Variants in RNF180 observed in about 807,000 individuals in gnomAD.
RNF180 encodes ring finger protein 180.
Under a neutral mutation model 59.2 loss-of-function variants are expected in RNF180, and 38 were observed. That is an observed-to-expected ratio of 0.64 (90% CI 0.50 to 0.84). RNF180 has a LOEUF of 0.84. Ranked by LOEUF, RNF180 falls within the 40% of genes least tolerant of loss-of-function variation. The pLI is 0.00. For synonymous variants in RNF180, 262 were observed against 240.3 expected (o/e 1.09, Z -0.84); for missense variants, 705 against 700.9 (o/e 1.01, Z -0.07).
intron 5 of RNF180, among the ~76,000 whole-genome samples, chr5:64,289,816 ATT>A (rs1742479010): frequency 6.6e-6 from 1 of 151,180 alleles, no homozygotes; most frequent in African/African-American, 2.4e-5. Flanking sequence ...GGTCTATTTT[ATT>A]AATTTTCTCA....
Position 64,172,858 on chromosome 5 carries a change from A to G in RNF180, c.-1+6905A>G, listed in dbSNP as rs143065484. Among the ~76,000 whole-genome samples the G allele has an allele frequency of 3.8e-3, 577 of 152,310 alleles. 9 individuals are homozygous for G. Among genetic ancestry groups the G allele is most frequent in the African/African-American group, 0.013 (522 of 41,576 alleles). The stretch of plus-strand genomic sequence containing the variant: ...GTCCAGGTACACTGTTGATTATTCC[A>G]GGTGAAAGCAAATAGATATTGACTG... On this transcript the variant is annotated intron_variant, in intron 1 of 7. Transcript: ENST00000389100.
intron 5 of RNF180, among the ~76,000 whole-genome samples, chr5:64,265,017 A>T (rs545107791): frequency 1.4e-4 from 21 of 152,144 alleles, no homozygotes; most frequent in Admixed American, 6.5e-4. Context: ...TGGCTGCATA[A>T]GTGTCTTCTT....
intron 5 of RNF180, among the ~76,000 whole-genome samples, chr5:64,308,033 G>A (rs1240835467): frequency 1.3e-5 from 2 of 151,720 alleles, no homozygotes; most frequent in Non-Finnish European, 3.0e-5. Flanking sequence ...TTAATAGTAT[G>A]AATTTTAGAA....
At chr5:64,182,237 C>T (rs367873978) in intron 1 of RNF180, among the ~76,000 whole-genome samples, 12 of 152,086 alleles carry the variant, frequency 7.9e-5, no homozygotes, top group Non-Finnish European at 8.8e-5. Flanking sequence ...GTGATCTGCC[C>T]GCTTTGGCCT....
At chr5:64,242,980 C>A (rs1471284408) in intron 5 of RNF180, among the ~76,000 whole-genome samples, 1 of 152,184 alleles carries the variant, frequency 6.6e-6, no homozygotes, top group Non-Finnish European at 1.5e-5. Flanking sequence ...CTGAGAAGCA[C>A]AAAGGGTCAG....
In RNF180 at chr5:64,185,105, G is replaced by T. The variant is rs183661925; in HGVS notation, c.1-15703G>T. Among the ~76,000 whole-genome samples, 113 of 152,266 alleles carry T rather than the reference G, an allele frequency of 7.4e-4. No homozygotes were observed. In the Middle Eastern group the frequency reaches 0.01, roughly 14 times the overall value. On this transcript the variant is annotated intron_variant, in intron 1 of 7. Transcript: ENST00000389100. ...ATGACAAAGAATTTGGAGATCCTTA[G>T]ATCCTCATAGACTCTACATCCAATC...
chr5:64,306,318 G>A (rs1743452662), intron 5 of RNF180, among the ~76,000 whole-genome samples: 1 of 151,588 alleles, frequency 6.6e-6, no homozygotes, highest in Non-Finnish European at 1.5e-5. Context: ...GGGAAGGCAG[G>A]TTCCAATCAT....
intron 5 of RNF180, among the ~76,000 whole-genome samples, chr5:64,299,416 C>T (rs1743052151): frequency 6.6e-6 from 1 of 151,924 alleles, no homozygotes; most frequent in South Asian, 2.1e-4. Flanking sequence ...ACCAGTTAAA[C>T]ATTCATCTTC....
chr5:64,215,879 T>G (rs1752596123), intron 4 of RNF180, among the ~76,000 whole-genome samples: 1 of 152,206 alleles, frequency 6.6e-6, no homozygotes, highest in African/African-American at 2.4e-5. Flanking sequence ...AAAATGTGTT[T>G]AATTCTTAGG....
At chr5:64,285,403 C>T (rs576167926) in intron 5 of RNF180, among the ~76,000 whole-genome samples, 7 of 152,184 alleles carry the variant, frequency 4.6e-5, no homozygotes, top group Middle Eastern at 3.4e-3. Context: ...CAGATGCCAG[C>T]GGGGGAGAGG....
At chr5:64,234,518 C>T (rs1226614403) in intron 5 of RNF180, among the ~76,000 whole-genome samples, 4 of 146,944 alleles carry the variant, frequency 2.7e-5, no homozygotes, top group Non-Finnish European at 5.9e-5. Flanking sequence ...ATACCATGAC[C>T]TTAGGCTTTC....
chr5:64,293,631 A>C (rs1742725330), intron 5 of RNF180, among the ~76,000 whole-genome samples: 1 of 151,868 alleles, frequency 6.6e-6, no homozygotes, highest in Non-Finnish European at 1.5e-5. Flanking sequence ...ATAATTACAA[A>C]TATTATTTTA....
intron 7 of RNF180, among the ~76,000 whole-genome samples, chr5:64,347,519 G>C (rs1042246866): frequency 6.6e-6 from 1 of 152,054 alleles, no homozygotes; most frequent in African/African-American, 2.4e-5. Flanking sequence ...TTGCCAGCTG[G>C]TGGAGCTACT....
intron 5 of RNF180, among the ~76,000 whole-genome samples, chr5:64,272,570 G>A (rs910102020): frequency 5.3e-5 from 8 of 151,966 alleles, no homozygotes; most frequent in African/African-American, 1.7e-4. Flanking sequence ...ATGGAGTGGC[G>A]TGATAAGAAT....
rs1466741132 is a variant in RNF180, at chr5:64,371,668, A to C, written c.*1854A>C. 6.6e-6 allele frequency: 1 copy of C among 151,654 alleles called. No homozygotes were observed. The highest frequency in any genetic ancestry group is 1.5e-5 in the Non-Finnish European group (1 of 67,702). The allele number at this position is 151,654 out of a possible 1,614,324, so 9.4% of individuals were successfully genotyped here. ...GAAAGCATAATCTGGAAAAGCATTCAAAATGGATTGAGTATATTTATCTTG... is the reference window on the plus strand; with the variant it reads ...GAAAGCATAATCTGGAAAAGCATTCCAAATGGATTGAGTATATTTATCTTG... On this transcript the variant is annotated 3_prime_UTR_variant, in exon 8 of 8. Transcript: ENST00000389100.
intron 5 of RNF180, among the ~76,000 whole-genome samples, chr5:64,302,298 A>G (rs77454215): frequency 0.021 from 3,183 of 151,716 alleles, 85 homozygotes; most frequent in African/African-American, 0.053. Context: ...ATATGTTGTG[A>G]AGGAATCCTA....
chr5:64,202,790 T>C, intron 2 of RNF180, among the ~76,000 whole-genome samples: 1 of 152,218 alleles, frequency 6.6e-6, no homozygotes, highest in South Asian at 2.1e-4. Context: ...AAAAATATTA[T>C]TCATTCCTTA....
intron 5 of RNF180, among the ~76,000 whole-genome samples, chr5:64,235,120 AC>A: frequency 6.6e-6 from 1 of 152,202 alleles, no homozygotes; most frequent in Non-Finnish European, 1.5e-5. Context: ...CTACAAAAAA[AC>A]AAAAATAAAA....
chr5:64,239,317 A>G (rs1318058803), intron 5 of RNF180, among the ~76,000 whole-genome samples: 1 of 152,128 alleles, frequency 6.6e-6, no homozygotes, highest in Non-Finnish European at 1.5e-5. Flanking sequence ...GGTGACTCAT[A>G]TGCTCTTTAA....
Sources: gnomAD v4.1 joint callset for allele counts (sites outside exome capture counted in the v4.1 genomes callset) on GRCh38, gnomAD v4.1.1 for gene constraint, MANE v1.5 for transcripts, NCBI Gene and HGNC (gene_info 2026-07-23, HGNC 2026-07-21) for gene names.